SP4: variants seen among roughly 807,000 people sequenced by gnomAD.
SP4 encodes Sp4 transcription factor.
In SP4, 19 loss-of-function variants were observed where a neutral mutation model predicts 72.8. The ratio of observed to expected loss-of-function variants is 0.26; its 90% CI spans 0.18 to 0.38. The LOEUF (loss-of-function observed/expected upper bound fraction) is 0.38, where lower values mean the gene tolerates loss of function less well. SP4 is among the 10% of genes least tolerant of loss of function. The pLI is 1.00. For synonymous variants in SP4, 395 were observed against 333.1 expected (o/e 1.19, Z -2.02); for missense variants, 1,008 against 926.3 (o/e 1.09, Z -1.14).
chr7:21,466,926 T>C (rs1784184700), intron 3 of SP4, among the ~76,000 whole-genome samples: 1 of 152,196 alleles, frequency 6.6e-6, no homozygotes, highest in Non-Finnish European at 1.5e-5. Flanking sequence ...TCTGTTTTTG[T>C]GGAGACTCAT....
intron 5 of SP4, among the ~76,000 whole-genome samples, chr7:21,506,183 C>T (rs1041077445): frequency 6.6e-6 from 1 of 152,118 alleles, no homozygotes; most frequent in African/African-American, 2.4e-5. Context: ...TCCCCTTTTA[C>T]CCCTGATACT....
intron 3 of SP4, among the ~76,000 whole-genome samples, chr7:21,461,564 A>G (rs1251690462): frequency 6.6e-6 from 1 of 152,018 alleles, no homozygotes; most frequent in African/African-American, 2.4e-5. Flanking sequence ...GCCCACACCC[A>G]CCCGGAACTC....
intron 5 of SP4, among the ~76,000 whole-genome samples, chr7:21,489,313 G>A (rs1277715421): frequency 6.6e-6 from 1 of 152,070 alleles, no homozygotes; most frequent in African/African-American, 2.4e-5. Flanking sequence ...TTTCGTTGAA[G>A]TTTTCTCACA....
chr7:21,471,987 G>C (rs997768420), intron 3 of SP4, among the ~76,000 whole-genome samples: 1 of 152,274 alleles, frequency 6.6e-6, no homozygotes, highest in African/African-American at 2.4e-5. Context: ...AATCAAGAAT[G>C]ACTTCCAAAT....
intron 3 of SP4, among the ~76,000 whole-genome samples, chr7:21,449,456 A>C (rs926612102): frequency 6.6e-6 from 1 of 152,224 alleles, no homozygotes; most frequent in Non-Finnish European, 1.5e-5. Flanking sequence ...TATTATTAAG[A>C]AAGTATTAAA....
At chr7:21,435,980 C>T (rs1485088572) in intron 3 of SP4, among the ~76,000 whole-genome samples, 1 of 152,056 alleles carries the variant, frequency 6.6e-6, no homozygotes. Flanking sequence ...TCTGTTCCAA[C>T]CTCCACCTCC....
chr7:21,447,112 CT>C (rs1783449610), intron 3 of SP4, among the ~76,000 whole-genome samples: 1 of 152,194 alleles, frequency 6.6e-6, no homozygotes, highest in Non-Finnish European at 1.5e-5. Flanking sequence ...TCAGAATGCC[CT>C]TGCCAGCGGA....
At chr7:21,510,402 C>T (rs1293052799) in intron 5 of SP4, among the ~76,000 whole-genome samples, 2 of 152,042 alleles carry the variant, frequency 1.3e-5, no homozygotes, top group East Asian at 3.9e-4. Context: ...ACAAAGAAGT[C>T]GGTCCAGTAA....
chr7:21,498,057 T>TA (rs1186637405), intron 5 of SP4, among the ~76,000 whole-genome samples: 3 of 150,360 alleles, frequency 2.0e-5, no homozygotes, highest in Non-Finnish European at 4.4e-5. Context: ...GTTTTCTACT[T>TA]AAAGAAAATT....
At chr7:21,460,937 C>T (rs1204210372) in intron 3 of SP4, among the ~76,000 whole-genome samples, 1 of 151,976 alleles carries the variant, frequency 6.6e-6, no homozygotes, top group African/African-American at 2.4e-5. Flanking sequence ...CATAAAGATT[C>T]TCCAAGTCCC....
rs768555601 is a variant in SP4, at chr7:21,429,593, G to T, written c.428G>T (p.Gly143Val). The T allele has an allele frequency of 3.6e-5, 58 of 1,614,120 alleles. No individual in the cohort carries two copies. Among genetic ancestry groups the T allele is most frequent in the Non-Finnish European group, 4.9e-5 (58 of 1,180,016 alleles). Residue 143 changes from glycine (G) to valine (V), a missense_variant, in exon 3 of 6, where the codon GGT becomes GTT. Physicochemically the swap from Gly to Val is moderately radical, Grantham distance 109. Coordinates refer to ENST00000222584, the MANE Select transcript of SP4 (RefSeq NM_003112.5). ...GCATCTCCTACAAAAACTAAATCAG[G>T]TAATTCTTCCACCCCTGGTCAATTT... Reference protein sequence around the residue: ...GSASPTKTKSGNSSTPGQFQV... With the variant: ...GSASPTKTKSVNSSTPGQFQV...
chr7:21,462,071 C>T (rs1403828442), intron 3 of SP4, among the ~76,000 whole-genome samples: 2 of 150,256 alleles, frequency 1.3e-5, no homozygotes, highest in Non-Finnish European at 1.5e-5. Context: ...CTCTGTTACC[C>T]AGGCAGTGCA....
chr7:21,466,641 T>C (rs1784176135), intron 3 of SP4, among the ~76,000 whole-genome samples: 1 of 152,220 alleles, frequency 6.6e-6, no homozygotes, highest in African/African-American at 2.4e-5. Flanking sequence ...GCTAATGGGG[T>C]TCACCTTCAT....
In SP4 at chr7:21,429,649, A is replaced by T; in HGVS notation, c.484A>T (p.Ser162Cys). Residue 162 changes from serine (S) to cysteine (C), a missense_variant, in exon 3 of 6, where the codon AGT (serine) becomes TGT (cysteine). By Grantham distance (112) the Ser-to-Cys change is moderately radical. Around this residue, in one of 3 missense-constraint regions of SP4, gnomAD observed 893 missense variants for 743.3 expected, o/e 1.20. Coordinates refer to ENST00000222584, the MANE Select transcript of SP4 (RefSeq NM_003112.5). ...CATACAAGTACAAAATCCAAGTGGT[A>T]GTGTACAGTACCAAGTAATTCCACA... is the stretch of plus-strand genomic sequence containing the variant. ...QVIQVQNPSG[S>C]VQYQVIPQLQ... 1.2e-6 allele frequency: 2 copies of T among 1,614,060 alleles called. No individual in the cohort carries two copies. The highest frequency in any genetic ancestry group is 1.7e-6 in the Non-Finnish European group (2 of 1,179,896).
At chr7:21,470,754 A>G (rs1784311658) in intron 3 of SP4, among the ~76,000 whole-genome samples, 1 of 148,274 alleles carries the variant, frequency 6.7e-6, no homozygotes, top group Non-Finnish European at 1.5e-5. Flanking sequence ...ATTTGGAAAA[A>G]AAAAAAAAAA....
chr7:21,488,844 T>A (rs1213340153), intron 5 of SP4, among the ~76,000 whole-genome samples: 1 of 152,184 alleles, frequency 6.6e-6, no homozygotes, highest in Non-Finnish European at 1.5e-5. Flanking sequence ...CGATGTCATA[T>A]AGATATGCAC....
chr7:21,501,458 T>A (rs1167842779), intron 5 of SP4, among the ~76,000 whole-genome samples: 7 of 152,236 alleles, frequency 4.6e-5, no homozygotes, highest in African/African-American at 1.7e-4. Flanking sequence ...TTAATTTTGT[T>A]TCTAATAGTA....
intron 3 of SP4, among the ~76,000 whole-genome samples, chr7:21,461,456 A>G (rs905224281): frequency 5.1e-4 from 78 of 152,280 alleles, no homozygotes; most frequent in African/African-American, 1.7e-3. Context: ...GACCCGGCGC[A>G]TCCTCCGCAG....
intron 3 of SP4, among the ~76,000 whole-genome samples, chr7:21,462,394 A>G (rs1408063834): frequency 6.6e-6 from 1 of 152,210 alleles, no homozygotes. Context: ...AATTTGATGT[A>G]TGAATGGAGA....
Sources: allele counts gnomAD v4.1 joint callset (sites outside exome capture counted in the v4.1 genomes callset), GRCh38; gene constraint gnomAD v4.1.1; regional missense constraint gnomAD v4.1.1; transcripts MANE v1.5; gene names NCBI Gene and HGNC (gene_info 2026-07-23, HGNC 2026-07-21).